Variants in GPM6A observed in about 807,000 individuals in gnomAD.
The protein encoded by GPM6A is neuronal membrane glycoprotein M6-a.
In GPM6A, 7 loss-of-function variants were observed where a neutral mutation model predicts 32.1. That is an observed-to-expected ratio of 0.22 (90% confidence interval 0.12 to 0.41). The LOEUF (loss-of-function observed/expected upper bound fraction) is 0.41, where lower values mean the gene tolerates loss of function less well. Among genes scored for constraint, GPM6A ranks in the 10% least tolerant of loss-of-function variants. GPM6A has a pLI of 1.00. For missense variants in GPM6A, 235 were observed against 347.2 expected, an observed-to-expected ratio of 0.68 and a Z score of 2.57; for synonymous variants, 130 against 123.4, an observed-to-expected ratio of 1.05 and a Z score of -0.35.
chr4:175,972,711 G>A (rs991007789), intron 1 of GPM6A, among the ~76,000 whole-genome samples: 1 of 152,054 alleles, frequency 6.6e-6, no homozygotes, highest in African/African-American at 2.4e-5. Context: ...TTGCATATGT[G>A]AATACCTCTG....
chr4:175,831,083 C>T (rs1457539120), intron 1 of GPM6A, among the ~76,000 whole-genome samples: 1 of 152,080 alleles, frequency 6.6e-6, no homozygotes, highest in Non-Finnish European at 1.5e-5. Flanking sequence ...TCTATTTCTA[C>T]TTGTCCTTTT....
intron 1 of GPM6A, among the ~76,000 whole-genome samples, chr4:175,707,708 G>C (rs1182830503): frequency 1.3e-5 from 2 of 151,828 alleles, no homozygotes; most frequent in East Asian, 3.9e-4. Context: ...AAAATACAGA[G>C]AGGAAATTAA....
In GPM6A at chr4:175,655,384, T is replaced by C. The variant is rs565515430; in HGVS notation, c.388-3397A>G. ...TTTCAGAATCTGATGATTACTAAAATTGAAGAATTATTCAAATTGATTATG... is the reference window on the plus strand; with the variant it reads ...TTTCAGAATCTGATGATTACTAAAACTGAAGAATTATTCAAATTGATTATG... On this transcript the variant is annotated intron_variant, in intron 3 of 6. Coordinates refer to ENST00000393658, the MANE Select transcript of GPM6A (RefSeq NM_201591.3). Among the ~76,000 whole-genome samples the C allele has an allele frequency of 7.2e-5, 11 of 152,220 alleles. No homozygotes were observed. In the South Asian group the frequency reaches 1.9e-3, roughly 26 times the overall value.
chr4:175,720,807 A>G (rs1001273387), intron 1 of GPM6A, among the ~76,000 whole-genome samples: 3 of 152,132 alleles, frequency 2.0e-5, no homozygotes, highest in Admixed American at 2.0e-4. Context: ...AATTCACAGC[A>G]AGAGAACCAA....
intron 1 of GPM6A, among the ~76,000 whole-genome samples, chr4:175,848,293 C>T (rs1368567688): frequency 6.6e-6 from 1 of 152,126 alleles, no homozygotes; most frequent in Non-Finnish European, 1.5e-5. Flanking sequence ...TAATGAAAAG[C>T]CTTTTCCAAC....
intron 2 of GPM6A, among the ~76,000 whole-genome samples, chr4:175,700,738 T>C (rs988387895): frequency 6.6e-6 from 1 of 152,114 alleles, no homozygotes; most frequent in Non-Finnish European, 1.5e-5. Context: ...CTATAAGGGC[T>C]CAGGAGACAA....
intron 1 of GPM6A, 107 bp downstream of exon 1, chr4:175,812,084 C>T (rs1734941249): frequency 3.7e-6 from 3 of 807,566 alleles, no homozygotes; most frequent in East Asian, 2.7e-5. Context: ...GAACAAAATG[C>T]CTTCCAAGAG....
intron 1 of GPM6A, among the ~76,000 whole-genome samples, chr4:175,976,226 G>T (rs1740655037): frequency 6.7e-6 from 1 of 149,402 alleles, no homozygotes; most frequent in Non-Finnish European, 1.5e-5. Flanking sequence ...GCTGCAAGCT[G>T]CACTCGGCTC....
chr4:175,851,802 T>C (rs1736267956), intron 1 of GPM6A, among the ~76,000 whole-genome samples: 1 of 152,242 alleles, frequency 6.6e-6, no homozygotes, highest in Admixed American at 6.5e-5. Flanking sequence ...AGTTCAATAA[T>C]GAATTTAAAT....
chr4:175,898,334 C>T (rs1056200899), intron 1 of GPM6A, among the ~76,000 whole-genome samples: 4 of 152,288 alleles, frequency 2.6e-5, no homozygotes, highest in South Asian at 2.1e-4. Context: ...ACCCAACTAC[C>T]TCTGACCTAC....
In GPM6A at chr4:175,676,234, C is replaced by T. The variant is rs1276534667; in HGVS notation, c.231-2398G>A. Among the ~76,000 whole-genome samples, 6 of 152,276 alleles carry T rather than the reference C, an allele frequency of 3.9e-5. 1 individual carries two copies. The South Asian group carries it at 8.3e-4, about 21-fold the overall frequency. On this transcript the variant is annotated intron_variant, in intron 2 of 6. Coordinates refer to ENST00000393658, the MANE Select transcript of GPM6A (RefSeq NM_201591.3). Reference sequence around the variant, plus strand: ...CTCTTTCTTTTATAAATTACCCGGTCTCAGGTATGTCTTTTATAGCAGCCT... The same window carrying T: ...CTCTTTCTTTTATAAATTACCCGGTTTCAGGTATGTCTTTTATAGCAGCCT...
intron 1 of GPM6A, among the ~76,000 whole-genome samples, chr4:175,879,246 A>C (rs1189178943): frequency 6.6e-6 from 1 of 151,936 alleles, no homozygotes; most frequent in African/African-American, 2.4e-5. Context: ...AACTGTTCCA[A>C]CCTCTGCCTG....
At chr4:176,001,377 G>A (rs1174278203) in intron 1 of GPM6A, among the ~76,000 whole-genome samples, 2 of 152,156 alleles carry the variant, frequency 1.3e-5, no homozygotes, top group African/African-American at 4.8e-5. Flanking sequence ...TCTCCCCTGC[G>A]CCTGTGGATA....
chr4:175,637,242 T>A (rs1379125517), intron 6 of GPM6A, among the ~76,000 whole-genome samples: 1 of 85,378 alleles, frequency 1.2e-5, no homozygotes, highest in Non-Finnish European at 2.1e-5. Context: ...ATATATTATA[T>A]ATTATATATA....
chr4:175,795,683 T>G (rs777851701), intron 1 of GPM6A, among the ~76,000 whole-genome samples: 2 of 152,062 alleles, frequency 1.3e-5, no homozygotes, highest in Non-Finnish European at 2.9e-5. Context: ...CCCAGGAGTT[T>G]GAGGCTGCAG....
chr4:175,657,455 C>T (rs1032033810), intron 3 of GPM6A, among the ~76,000 whole-genome samples: 5 of 151,668 alleles, frequency 3.3e-5, no homozygotes, highest in African/African-American at 1.2e-4. Context: ...GTGTTAAGAA[C>T]TCTTTCTATA....
Position 175,996,837 on chromosome 4 carries a change from G to A in GPM6A, c.-23+5472C>T, listed in dbSNP as rs567310630. On this transcript the variant is annotated intron_variant, in intron 1 of 7. Transcript: ENST00000280187. ...CTTTTAGGAATTAGATCAATTAGTC[G>A]GCTACCCTCAATTTCTCCTTTCCTC... Among the ~76,000 whole-genome samples the A allele has an allele frequency of 1.2e-4, 19 of 152,100 alleles. No individual in the cohort carries two copies. In the South Asian group the frequency reaches 2.9e-3, roughly 23 times the overall value.
intron 1 of GPM6A, among the ~76,000 whole-genome samples, chr4:175,806,573 A>T (rs1451505801): frequency 6.6e-6 from 1 of 152,260 alleles, no homozygotes; most frequent in East Asian, 1.9e-4. Flanking sequence ...CAAGGAAAAT[A>T]TAAAATGACA....
intron 1 of GPM6A, among the ~76,000 whole-genome samples, chr4:175,938,069 T>C (rs1260748854): frequency 6.6e-6 from 1 of 152,136 alleles, no homozygotes; most frequent in East Asian, 1.9e-4. Context: ...ACTCTCAATA[T>C]TTTTTAGATA....
Sources: allele counts gnomAD v4.1 joint callset (sites outside exome capture counted in the v4.1 genomes callset), GRCh38; gene constraint gnomAD v4.1.1; transcripts MANE v1.5; gene names NCBI Gene and HGNC (gene_info 2026-07-23, HGNC 2026-07-21).